NDUFA10: variants seen among roughly 807,000 people sequenced by gnomAD.
NDUFA10 encodes the protein NADH dehydrogenase [ubiquinone] 1 alpha subcomplex subunit 10, mitochondrial.
In NDUFA10, 40 loss-of-function variants were observed where a neutral mutation model predicts 47.8. That is an observed-to-expected ratio of 0.84 (90% CI 0.65 to 1.09). NDUFA10 has a LOEUF of 1.09. NDUFA10 is among the 50% of genes least tolerant of loss of function. NDUFA10 has a pLI of 0.00. For synonymous variants in NDUFA10, 183 were observed against 172.2 expected, an observed-to-expected ratio of 1.06 and a Z score of -0.49; for missense variants, 413 against 451.1, an observed-to-expected ratio of 0.92 and a Z score of 0.76.
At chr2:239,965,369 A>G (rs907263777) in intron 9 of NDUFA10, among the ~76,000 whole-genome samples, 8 of 152,126 alleles carry the variant, frequency 5.3e-5, no homozygotes, top group Admixed American at 5.2e-4. Context: ...CACTTTGTTT[A>G]CATGTCTACT....
chr2:239,953,184 A>G (rs1323316930), downstream of NDUFA10, among the ~76,000 whole-genome samples: 1 of 152,190 alleles, frequency 6.6e-6, no homozygotes, highest in Non-Finnish European at 1.5e-5. Flanking sequence ...CAATGTCATC[A>G]CAGGGGTTCT....
At chr2:239,951,314 C>T (rs556379302) in intron 4 of NDUFA10, among the ~76,000 whole-genome samples, 1 of 152,176 alleles carries the variant, frequency 6.6e-6, no homozygotes, top group African/African-American at 2.4e-5. Flanking sequence ...ACAATGGCTG[C>T]GTCAGCCACC....
chr2:239,943,788 G>A (rs906276814), intron 4 of NDUFA10, among the ~76,000 whole-genome samples: 2 of 152,112 alleles, frequency 1.3e-5, no homozygotes, highest in Non-Finnish European at 2.9e-5. Flanking sequence ...ATGAGCAGAC[G>A]AGTATGGGCC....
At chr2:240,015,632 C>T (rs970210067) in intron 4 of NDUFA10, among the ~76,000 whole-genome samples, 6 of 152,216 alleles carry the variant, frequency 3.9e-5, no homozygotes, top group African/African-American at 1.4e-4. Context: ...ATCCAGGGGG[C>T]ACCCGCAGGG....
At chr2:239,899,378 TG>T (rs1693492901) in intron 4 of NDUFA10, among the ~76,000 whole-genome samples, 1 of 99,408 alleles carries the variant, frequency 1.0e-5, no homozygotes, top group Non-Finnish European at 2.2e-5. Flanking sequence ...TGGAGGGGTG[TG>T]GAGGGGTGTG....
chr2:240,022,232 C>G lies in NDUFA10; in HGVS notation c.184G>C (p.Val62Leu). 1 of 1,614,168 alleles carries G rather than the reference C, an allele frequency of 6.2e-7. No homozygotes were observed. The highest frequency in any genetic ancestry group is 2.2e-5 in the East Asian group (1 of 44,872). The change falls in exon 2 of 10, where the codon GTA becomes CTA. Residue 62 changes from valine to leucine, a missense_variant. Physicochemically the swap from Val to Leu is conservative, Grantham distance 32. Transcript: ENST00000252711. Reference protein sequence around the residue: ...RLTERSRVITVDGNICTGKGK... With the variant: ...RLTERSRVITLDGNICTGKGK... ...TTTCCAGTACATATATTGCCATCTA[C>G]AGTTATCACTCTGCTGCGTTCTGTC...
intron 9 of NDUFA10, among the ~76,000 whole-genome samples, chr2:239,985,267 A>G (rs1695952415): frequency 6.6e-6 from 1 of 152,222 alleles, no homozygotes; most frequent in Non-Finnish European, 1.5e-5. Context: ...TGTGATGAAT[A>G]TGTTTAAGAA....
chr2:239,896,193 C>A (rs1290794876), intron 4 of NDUFA10, among the ~76,000 whole-genome samples: 5 of 152,216 alleles, frequency 3.3e-5, no homozygotes, highest in Non-Finnish European at 7.3e-5. Flanking sequence ...GTCACCAATG[C>A]CGCGTGTGAA....
intron 8 of NDUFA10, among the ~76,000 whole-genome samples, chr2:239,992,093 C>A (rs1696275870): frequency 6.6e-6 from 1 of 152,146 alleles, no homozygotes; most frequent in South Asian, 2.1e-4. Context: ...CATGGTATAT[C>A]TCCAGTAAAC....
chr2:239,996,063 C>T (rs1418364965), intron 8 of NDUFA10, among the ~76,000 whole-genome samples: 2 of 152,182 alleles, frequency 1.3e-5, no homozygotes, highest in Admixed American at 1.3e-4. Flanking sequence ...ATGACCCCAA[C>T]TCTGAGTAAC....
chr2:239,988,512 C>T (rs779832146), intron 9 of NDUFA10, among the ~76,000 whole-genome samples: 7 of 152,150 alleles, frequency 4.6e-5, no homozygotes, highest in Non-Finnish European at 1.0e-4. Flanking sequence ...ATTGAGATCA[C>T]GGCTGCTTCT....
chr2:239,991,228 T>C (rs543564813), intron 8 of NDUFA10, among the ~76,000 whole-genome samples: 41 of 152,246 alleles, frequency 2.7e-4, no homozygotes, highest in African/African-American at 9.6e-4. Flanking sequence ...GCTGCGAACC[T>C]GCGGCAAGCT....
intron 4 of NDUFA10, among the ~76,000 whole-genome samples, chr2:239,929,245 A>G (rs1163787877): frequency 7.2e-5 from 11 of 152,274 alleles, no homozygotes. Context: ...GGAGACAGGG[A>G]CAATGGCTGC....
intron 5 of NDUFA10, chr2:240,012,953 A>G (rs557771073): frequency 1.3e-5 from 2 of 152,344 alleles, no homozygotes; most frequent in Non-Finnish European, 1.5e-5. Context: ...GAAATCAACA[A>G]AAGTATAAAA....
At chr2:239,966,848 C>CTTT (rs71045922) in intron 9 of NDUFA10, among the ~76,000 whole-genome samples, 3 of 113,816 alleles carry the variant, frequency 2.6e-5, no homozygotes, top group African/African-American at 6.7e-5. Context: ...GCAAGGATTT[C>CTTT]TTTTTTTTTT....
intron 4 of NDUFA10, among the ~76,000 whole-genome samples, chr2:239,899,065 AGGGGTGTGATG>A: frequency 2.2e-5 from 1 of 46,078 alleles, no homozygotes; most frequent in South Asian, 1.0e-3. Context: ...AGTGTGATGG[AGGGGTGTGATG>A]GAGGAGTGTG....
intron 4 of NDUFA10, among the ~76,000 whole-genome samples, chr2:239,951,314 C>A (rs556379302): frequency 2.8e-4 from 42 of 152,176 alleles, no homozygotes; most frequent in Non-Finnish European, 6.0e-4. Flanking sequence ...ACAATGGCTG[C>A]GTCAGCCACC....
intron 9 of NDUFA10, among the ~76,000 whole-genome samples, chr2:239,967,959 A>C (rs548749868): frequency 7.1e-6 from 1 of 141,618 alleles, no homozygotes; most frequent in Non-Finnish European, 1.5e-5. Flanking sequence ...TCGCACAGAA[A>C]TCAGTCAAGG....
chr2:239,996,809 CT>C (rs112180218), intron 8 of NDUFA10, among the ~76,000 whole-genome samples: 3,857 of 143,874 alleles, frequency 0.027, 115 homozygotes, highest in African/African-American at 0.079. Flanking sequence ...GTTTTTTTGC[CT>C]TTTTTTTTTT....
Sources: allele counts gnomAD v4.1 joint callset (sites outside exome capture counted in the v4.1 genomes callset), GRCh38; gene constraint gnomAD v4.1.1; transcripts MANE v1.5; gene names NCBI Gene and HGNC (gene_info 2026-07-23, HGNC 2026-07-21).